The following EIF4H variants were observed in gnomAD, a reference collection of about 807,000 sequenced individuals.
EIF4H encodes eukaryotic translation initiation factor 4H, also known as Williams-Beuren syndrome chromosome region 1.
In EIF4H, 8 loss-of-function variants were observed where a neutral mutation model predicts 30.6. The ratio of observed to expected loss-of-function variants is 0.26; its 90% CI spans 0.15 to 0.47. The LOEUF (loss-of-function observed/expected upper bound fraction) is 0.47. Among genes scored for constraint, EIF4H ranks in the 20% least tolerant of loss-of-function variants. The pLI is 0.99. For missense variants in EIF4H, 188 were observed against 339.5 expected (o/e 0.55, Z 3.51); for synonymous variants, 106 against 122.7 (o/e 0.86, Z 0.90).
intron 5 of EIF4H, among the ~76,000 whole-genome samples, chr7:74,192,791 C>T (rs1304383700): frequency 6.6e-6 from 1 of 151,044 alleles, no homozygotes; most frequent in African/African-American, 2.4e-5. Flanking sequence ...GATTCTCCTG[C>T]CTCAGCCTCC....
chr7:74,180,644 T>C (rs1052417493), intron 1 of EIF4H, among the ~76,000 whole-genome samples: 2 of 152,170 alleles, frequency 1.3e-5, no homozygotes, highest in East Asian at 3.9e-4. Context: ...TTTTAAGGCA[T>C]CAGCACACTG....
chr7:74,188,667 A>G (rs781938557), intron 2 of EIF4H, among the ~76,000 whole-genome samples: 2 of 152,142 alleles, frequency 1.3e-5, no homozygotes, highest in Middle Eastern at 3.2e-3. Flanking sequence ...AGCATTAGGA[A>G]CTAAACTTTG....
At chr7:74,182,027 T>C (rs1800973802) in intron 1 of EIF4H, among the ~76,000 whole-genome samples, 1 of 152,224 alleles carries the variant, frequency 6.6e-6, no homozygotes, top group South Asian at 2.1e-4. Context: ...TTACATACTT[T>C]TCATACTTGA....
At position 74,187,621 on chromosome 7, in the gene EIF4H, A is replaced by C. The variant is rs1801116593; in HGVS notation, c.70A>C (p.Ser24Arg). 6.2e-7 allele frequency: 1 copy of C among 1,603,558 alleles called. No homozygotes were observed. Among genetic ancestry groups the C allele is most frequent in the South Asian group, 1.1e-5 (1 of 90,180 alleles). Residue 24 changes from serine to arginine, a missense_variant, in exon 2 of 7, where the codon AGT becomes CGT. By Grantham distance (110) the Ser-to-Arg change is moderately radical (BLOSUM62 -1). This residue lies in a region of EIF4H where 43 missense variants were observed against 43.4 expected (regional missense o/e 0.99). Transcript: ENST00000265753. ...SFGGGRGSRG[S>R]AGGHGSRSQK... ...TGTCTCCCCTCCTAGGTCCCGCGGC[A>C]GTGCTGGTGGCCATGGTTCCCGTAG...
intron 1 of EIF4H, among the ~76,000 whole-genome samples, chr7:74,177,336 G>A (rs1554707805): frequency 6.6e-6 from 1 of 152,014 alleles, no homozygotes; most frequent in African/African-American, 2.4e-5. Flanking sequence ...AATTTTTATG[G>A]TGGTAAAATA....
chr7:74,175,548 C>T (rs1554707537), intron 1 of EIF4H, among the ~76,000 whole-genome samples: 1 of 152,078 alleles, frequency 6.6e-6, no homozygotes, highest in Non-Finnish European at 1.5e-5. Flanking sequence ...AGCTAATGTT[C>T]ATGATACTGT....
chr7:74,181,674 C>T (rs1390417565), intron 1 of EIF4H, among the ~76,000 whole-genome samples: 2 of 152,064 alleles, frequency 1.3e-5, no homozygotes, highest in African/African-American at 4.8e-5. Context: ...GAACTCCCGA[C>T]CTCAGGTAAT....
chr7:74,188,651 C>A (rs1293010992), intron 2 of EIF4H, among the ~76,000 whole-genome samples: 1 of 152,084 alleles, frequency 6.6e-6, no homozygotes, highest in African/African-American at 2.4e-5. Flanking sequence ...GAAGTAAGCT[C>A]CAGGAAGCAT....
At chr7:74,186,788 A>ATTTTTTTTTTTTTTTTTTTTT (rs564794579) in intron 1 of EIF4H, among the ~76,000 whole-genome samples, 1 of 70,088 alleles carries the variant, frequency 1.4e-5, no homozygotes, top group African/African-American at 4.9e-5. Flanking sequence ...ACAAGGAGAA[A>ATTTTTTTTTTTTTTTTTTTTT]TTTTTTTTTT....
At chr7:74,181,933 T>G (rs1332840760) in intron 1 of EIF4H, among the ~76,000 whole-genome samples, 1 of 151,858 alleles carries the variant, frequency 6.6e-6, no homozygotes, top group Non-Finnish European at 1.5e-5. Flanking sequence ...GCCGGGTTGG[T>G]CTTGAACTCC....
chr7:74,182,102 G>C (rs1800975542), intron 1 of EIF4H, among the ~76,000 whole-genome samples: 1 of 152,040 alleles, frequency 6.6e-6, no homozygotes, highest in Admixed American at 6.5e-5. Context: ...AGTACCCAGT[G>C]TTCAGTTTTT....
intron 2 of EIF4H, 102 bp downstream of exon 2, chr7:74,187,900 A>G: frequency 7.4e-7 from 1 of 1,347,934 alleles, no homozygotes; most frequent in South Asian, 1.7e-5. Context: ...GCTGTAATCA[A>G]GAAAGTGTTT....
intron 1 of EIF4H, among the ~76,000 whole-genome samples, chr7:74,186,248 G>A (rs1563951369): frequency 6.7e-6 from 1 of 149,460 alleles, no homozygotes; most frequent in African/African-American, 2.5e-5. Flanking sequence ...TTTTGAGATG[G>A]ACTCTCGCTC....
chr7:74,194,298 G>A (rs1033319688), intron 5 of EIF4H, among the ~76,000 whole-genome samples: 1 of 152,088 alleles, frequency 6.6e-6, no homozygotes, highest in African/African-American at 2.4e-5. Context: ...TTCATATAGC[G>A]TTTTCTTGTG....
chr7:74,188,443 G>C (rs181981997), intron 2 of EIF4H, among the ~76,000 whole-genome samples: 34 of 152,232 alleles, frequency 2.2e-4, no homozygotes, highest in Non-Finnish European at 3.2e-4. Flanking sequence ...TGTTTGGCCC[G>C]CATAATCCAC....
intron 2 of EIF4H, 138 bp downstream of exon 2, chr7:74,187,936 C>T (rs541744988): frequency 4.1e-4 from 408 of 989,878 alleles, no homozygotes; most frequent in Admixed American, 7.6e-4. Flanking sequence ...TCTAAGTGGC[C>T]GAAAGAAACA....
intron 1 of EIF4H, among the ~76,000 whole-genome samples, chr7:74,185,627 A>G (rs1801064134): frequency 6.6e-6 from 1 of 152,196 alleles, no homozygotes; most frequent in African/African-American, 2.4e-5. Flanking sequence ...TACTTTAGAA[A>G]AATGCTTTAA....
chr7:74,182,990 G>T (rs776152074), intron 1 of EIF4H, among the ~76,000 whole-genome samples: 80 of 152,240 alleles, frequency 5.3e-4, no homozygotes, highest in Non-Finnish European at 7.9e-4. Context: ...GCAGTCCTTT[G>T]CTTGTGACGT....
chr7:74,176,527 C>T (rs1800844649), intron 1 of EIF4H, among the ~76,000 whole-genome samples: 1 of 152,232 alleles, frequency 6.6e-6, no homozygotes, highest in Non-Finnish European at 1.5e-5. Flanking sequence ...GTGTAGGCAC[C>T]TTCTCCCTTG....
Sources: gnomAD v4.1 joint callset for allele counts (sites outside exome capture counted in the v4.1 genomes callset) on GRCh38, gnomAD v4.1.1 for gene constraint, gnomAD v4.1.1 regional missense constraint, MANE v1.5 for transcripts, NCBI Gene and HGNC (gene_info 2026-07-23, HGNC 2026-07-21) for gene names.